Variants in IL1RAPL2 observed in about 807,000 individuals in gnomAD.
IL1RAPL2 encodes X-linked interleukin-1 receptor accessory protein-like 2.
Under a neutral mutation model 44.1 loss-of-function variants are expected in IL1RAPL2, and 3 were observed. The observed-to-expected ratio is 0.07, with a 90% CI of 0.03 to 0.18. The LOEUF is 0.18. IL1RAPL2 is among the 10% of genes least tolerant of loss of function. IL1RAPL2 has a pLI of 1.00. For synonymous variants in IL1RAPL2, 181 were observed against 178.8 expected (o/e 1.01, Z -0.10); for missense variants, 391 against 496.4 (o/e 0.79, Z 2.02).
intron 1 of IL1RAPL2, among the ~76,000 whole-genome samples, chrX:104,581,718 G>A (rs1928349285): frequency 9.0e-6 from 1 of 111,113 alleles, no homozygotes; most frequent in Non-Finnish European, 1.9e-5. Flanking sequence ...CTAAGAACCC[G>A]ATAGGCTTCA....
intron 2 of IL1RAPL2, among the ~76,000 whole-genome samples, chrX:105,159,094 C>T (rs1169434277): frequency 8.9e-6 from 1 of 112,047 alleles, no homozygotes; most frequent in Non-Finnish European, 1.9e-5. Context: ...TTAAAATTCT[C>T]CATAACTATA....
intron 2 of IL1RAPL2, among the ~76,000 whole-genome samples, chrX:104,919,593 C>T (rs1429444994): frequency 4.0e-5 from 4 of 99,142 alleles, no homozygotes; most frequent in East Asian, 6.5e-4. Flanking sequence ...TGCAGTGGTG[C>T]GATCTTGGCT....
At chrX:104,803,868 C>G (rs774729886) in intron 2 of IL1RAPL2, 4 of 112,058 alleles carry the variant, frequency 3.6e-5, no homozygotes, top group Non-Finnish European at 5.6e-5. Context: ...AGTAAAAACA[C>G]GACATGGCCT....
rs79223670 is a variant in IL1RAPL2, at chrX:104,811,517, C to CT, written c.82+152531dup. 2.6e-3 allele frequency among the ~76,000 whole-genome samples: 288 copies of CT among 109,291 alleles called. 6 individuals are homozygous for CT. In the East Asian group the frequency reaches 0.071, roughly 27 times the overall value. The allele number at this position is 109,291 out of a possible 115,157, so 94.9% of individuals were successfully genotyped here. A position where few individuals can be genotyped will look rare whatever the true frequency, so the allele number is the denominator to read the frequency against. The stretch of plus-strand genomic sequence containing the variant: ...CAAGCCAAAGAGGATTTTTCCCCCT[C>CT]TTTTTTTTTCTGTTTTTGAAAGAGG... On this transcript the variant is annotated intron_variant, in intron 2 of 10. Coordinates refer to ENST00000372582, the MANE Select transcript of IL1RAPL2 (RefSeq NM_017416.2).
intron 6 of IL1RAPL2, among the ~76,000 whole-genome samples, chrX:105,667,244 T>C (rs979381381): frequency 1.2e-4 from 14 of 112,058 alleles, no homozygotes; most frequent in African/African-American, 4.2e-4. Context: ...TTGAATGGGG[T>C]TGAGGTTAGA....
At chrX:105,446,035 G>C (rs1197216437) in intron 5 of IL1RAPL2, among the ~76,000 whole-genome samples, 1 of 111,344 alleles carries the variant, frequency 9.0e-6, no homozygotes, top group Non-Finnish European at 1.9e-5. Context: ...TCTCTCATTA[G>C]CTGTAATACT....
intron 6 of IL1RAPL2, among the ~76,000 whole-genome samples, chrX:105,661,643 C>T (rs764287220): frequency 1.3e-4 from 15 of 111,895 alleles, no homozygotes; most frequent in East Asian, 2.8e-4. Context: ...TATAAAAATA[C>T]ATGGAGGCTG....
intron 2 of IL1RAPL2, among the ~76,000 whole-genome samples, chrX:105,157,557 G>T (rs1247538913): frequency 8.9e-6 from 1 of 112,282 alleles, no homozygotes; most frequent in Non-Finnish European, 1.9e-5. Context: ...GAATGCATTT[G>T]TAAGAATTGT....
intron 5 of IL1RAPL2, among the ~76,000 whole-genome samples, chrX:105,461,860 A>G (rs1351732725): frequency 9.0e-6 from 1 of 111,369 alleles, no homozygotes; most frequent in Non-Finnish European, 1.9e-5. Context: ...TTGTGTGTGT[A>G]GAGTAGTGTG....
At chrX:105,091,092 T>C (rs1047663403) in intron 2 of IL1RAPL2, among the ~76,000 whole-genome samples, 3 of 111,993 alleles carry the variant, frequency 2.7e-5, no homozygotes, top group African/African-American at 9.7e-5. Flanking sequence ...CAGGTGGTTT[T>C]AAAACAAAAA....
chrX:105,669,487 G>T (rs1454946882), intron 6 of IL1RAPL2, among the ~76,000 whole-genome samples: 1 of 111,382 alleles, frequency 9.0e-6, no homozygotes, highest in Non-Finnish European at 1.9e-5. Flanking sequence ...ACATTGTCCT[G>T]GTCTTGCGGC....
At chrX:105,126,720 C>T (rs2032978835) in intron 2 of IL1RAPL2, among the ~76,000 whole-genome samples, 1 of 111,002 alleles carries the variant, frequency 9.0e-6, no homozygotes, top group Non-Finnish European at 1.9e-5. Flanking sequence ...TTGCGAAAAC[C>T]ATTCTCTTTA....
intron 5 of IL1RAPL2, among the ~76,000 whole-genome samples, chrX:105,311,297 A>G (rs2034794763): frequency 1.8e-5 from 2 of 110,012 alleles, no homozygotes; most frequent in South Asian, 7.6e-4. Flanking sequence ...TATATATATG[A>G]TATGCTTAAG....
intron 5 of IL1RAPL2, among the ~76,000 whole-genome samples, chrX:105,481,451 T>C (rs1035020263): frequency 8.9e-6 from 1 of 112,207 alleles, no homozygotes; most frequent in Admixed American, 9.5e-5. Context: ...ACTTCAGCAA[T>C]TGATATTTAA....
At chrX:105,381,136 CTGTAAGTTTGGTACTGTTAGTACTCTCA>C (rs1162951525) in intron 5 of IL1RAPL2, among the ~76,000 whole-genome samples, 2 of 111,371 alleles carry the variant, frequency 1.8e-5, no homozygotes, top group African/African-American at 6.5e-5. Flanking sequence ...TACAACAACC[CTGTAAGTTTGGTACTGTTAGTACTCTCA>C]ATTTACAAAT....
intron 1 of IL1RAPL2, among the ~76,000 whole-genome samples, chrX:104,594,206 A>G (rs1485030483): frequency 1.8e-5 from 2 of 112,213 alleles, no homozygotes; most frequent in African/African-American, 3.2e-5. Context: ...CACAGAGACT[A>G]GCATTTAGTA....
At chrX:105,346,944 T>C (rs756061043) in intron 5 of IL1RAPL2, among the ~76,000 whole-genome samples, 4 of 111,960 alleles carry the variant, frequency 3.6e-5, no homozygotes, top group Non-Finnish European at 7.5e-5. Context: ...ACACATAGAT[T>C]GTCCTTGGTG....
rs187807741 is a variant in IL1RAPL2 at position 105,242,622 on chromosome X, T to A, written c.543+8618T>A. On this transcript the variant is annotated intron_variant, in intron 4 of 10. Transcript: ENST00000372582. ...TAGGTGGAACCACAAAAAATAAAAATTTATATCTCATAAGCAGAGAGCAAG... is the reference window on the plus strand; with the variant it reads ...TAGGTGGAACCACAAAAAATAAAAAATTATATCTCATAAGCAGAGAGCAAG... 1.2e-3 allele frequency among the ~76,000 whole-genome samples: 137 copies of A among 111,753 alleles called. 1 individual carries two copies. The highest frequency in any genetic ancestry group is 2.3e-3 in the Non-Finnish European group (123 of 53,190).
rs1930057103 is a variant in IL1RAPL2, at chrX:104,647,180, G to T, written c.-19-11715G>T. ...GGCTGTGGCCTAGTCAGCCTGCAGA[G>T]GTGCAGGCAGGGTGGGCCCCCACTG... On this transcript the variant is annotated intron_variant, in intron 1 of 10. Coordinates refer to ENST00000372582, the MANE Select transcript of IL1RAPL2 (RefSeq NM_017416.2). The T allele has an allele frequency of 1.3e-5, 4 of 309,913 alleles. No homozygotes were observed. In the South Asian group the frequency reaches 1.4e-4, roughly 11 times the overall value. The allele number at this position is 309,913 out of a possible 1,213,427, so 25.5% of individuals were successfully genotyped here.
Sources: allele counts gnomAD v4.1 joint callset (sites outside exome capture counted in the v4.1 genomes callset), GRCh38; gene constraint gnomAD v4.1.1; transcripts MANE v1.5; gene names NCBI Gene and HGNC (gene_info 2026-07-23, HGNC 2026-07-21).